The following RBFOX1 variants were observed in gnomAD, a reference collection of about 807,000 sequenced individuals.
The protein encoded by RBFOX1 is RNA binding protein fox-1 homolog 1.
RBFOX1 carries 8 observed loss-of-function variants against 57.7 expected under a neutral mutation model. The ratio of observed to expected loss-of-function variants is 0.14; its 90% CI spans 0.08 to 0.25. The LOEUF (loss-of-function observed/expected upper bound fraction) is 0.25. RBFOX1 is among the 10% of genes least tolerant of loss of function. The probability of loss-of-function intolerance (pLI) is 1.00; values close to 1 mark genes in which losing one functional copy is unlikely to be tolerated. For missense variants in RBFOX1, 611 were observed against 548.5 expected (o/e 1.11, Z -1.14); for synonymous variants, 326 against 222.4 (o/e 1.47, Z -4.15).
intron 3 of RBFOX1, among the ~76,000 whole-genome samples, chr16:5,706,306 C>T (rs767227473): frequency 3.9e-5 from 6 of 152,180 alleles, no homozygotes; most frequent in Non-Finnish European, 5.9e-5. Context: ...AACATGTTTC[C>T]TGATGTAGCA....
intron 4 of RBFOX1, among the ~76,000 whole-genome samples, chr16:7,073,295 A>G (rs1237328236): frequency 6.6e-6 from 1 of 152,210 alleles, no homozygotes; most frequent in Admixed American, 6.5e-5. Flanking sequence ...GGCTCTTTTC[A>G]GAAAATGTCA....
chr16:7,498,958 A>G (rs560407043), intron 4 of RBFOX1, among the ~76,000 whole-genome samples: 1 of 152,300 alleles, frequency 6.6e-6, no homozygotes, highest in East Asian at 1.9e-4. Flanking sequence ...CTGTTTACCT[A>G]ATTGTTGCAT....
At chr16:6,627,025 A>G (rs1220405671) in intron 2 of RBFOX1, among the ~76,000 whole-genome samples, 3 of 152,216 alleles carry the variant, frequency 2.0e-5, no homozygotes, top group Non-Finnish European at 4.4e-5. Context: ...ATGTTGCCGA[A>G]GGCTACCCAT....
intron 3 of RBFOX1, among the ~76,000 whole-genome samples, chr16:5,799,615 T>C (rs971758606): frequency 1.3e-5 from 2 of 152,210 alleles, no homozygotes; most frequent in African/African-American, 4.8e-5. Context: ...ATAGGCTTTG[T>C]GTTAGGTGAT....
intron 1 of RBFOX1, among the ~76,000 whole-genome samples, chr16:5,442,566 C>A (rs1267173683): frequency 1.3e-5 from 2 of 152,146 alleles, no homozygotes; most frequent in Admixed American, 6.5e-5. Flanking sequence ...AACCAAATCC[C>A]CGAGGGAAGG....
At chr16:5,511,660 T>G (rs2043598173) in intron 2 of RBFOX1, among the ~76,000 whole-genome samples, 1 of 152,148 alleles carries the variant, frequency 6.6e-6, no homozygotes, top group Non-Finnish European at 1.5e-5. Context: ...AGAAGAAGAA[T>G]CAGAGAGTTA....
intron 1 of RBFOX1, among the ~76,000 whole-genome samples, chr16:5,412,331 A>G (rs2067043974): frequency 1.3e-5 from 2 of 152,250 alleles, no homozygotes; most frequent in Non-Finnish European, 2.9e-5. Context: ...TCTTAGCATC[A>G]TGCTAGGCAC....
intron 4 of RBFOX1, among the ~76,000 whole-genome samples, chr16:7,177,806 G>A (rs1315909983): frequency 2.6e-5 from 4 of 152,142 alleles, no homozygotes; most frequent in African/African-American, 9.7e-5. Context: ...AGCCCCTGTG[G>A]ACAATGCATA....
chr16:6,900,413 A>C (rs2068168225), intron 3 of RBFOX1, among the ~76,000 whole-genome samples: 2 of 152,150 alleles, frequency 1.3e-5, no homozygotes, highest in Non-Finnish European at 1.5e-5. Context: ...TGAAACATCT[A>C]ATCATGCTAC....
chr16:7,337,664 T>G (rs569780402), intron 4 of RBFOX1, among the ~76,000 whole-genome samples: 1 of 152,086 alleles, frequency 6.6e-6, no homozygotes, highest in African/African-American at 2.4e-5. Flanking sequence ...CAGGTGAATG[T>G]TTTTTGTGTT....
intron 3 of RBFOX1, among the ~76,000 whole-genome samples, chr16:7,045,675 G>C (rs1396169109): frequency 6.6e-6 from 1 of 151,672 alleles, no homozygotes; most frequent in Admixed American, 6.6e-5. Context: ...AATAGAGCGA[G>C]ACATTGTCTC....
chr16:5,389,247 G>C (rs767829025), intron 1 of RBFOX1, among the ~76,000 whole-genome samples: 4 of 152,154 alleles, frequency 2.6e-5, no homozygotes, highest in Middle Eastern at 3.2e-3. Context: ...AAATTTCAAA[G>C]AATGAAGGAC....
chr16:5,732,170 T>C (rs2052397327), intron 3 of RBFOX1, among the ~76,000 whole-genome samples: 1 of 152,240 alleles, frequency 6.6e-6, no homozygotes, highest in South Asian at 2.1e-4. Context: ...GATAGGAAAT[T>C]GGCACCTGCT....
chr16:5,515,894 G>C (rs1165804756), intron 2 of RBFOX1, among the ~76,000 whole-genome samples: 1 of 152,174 alleles, frequency 6.6e-6, no homozygotes, highest in African/African-American at 2.4e-5. Context: ...AATCCTCACA[G>C]TAACACAATG....
intron 11 of RBFOX1, among the ~76,000 whole-genome samples, chr16:7,641,332 T>C (rs2062753980): frequency 6.6e-6 from 1 of 152,194 alleles, no homozygotes; most frequent in African/African-American, 2.4e-5. Context: ...GTGTAGTTCA[T>C]ATAAACCCAG....
intron 4 of RBFOX1, among the ~76,000 whole-genome samples, chr16:5,971,236 G>A (rs908062882): frequency 7.2e-5 from 11 of 152,344 alleles, no homozygotes; most frequent in African/African-American, 2.4e-4. Context: ...CAGTGGTGAG[G>A]ATGTATTTCT....
chr16:6,949,080 A>G (rs1332202675), intron 3 of RBFOX1, among the ~76,000 whole-genome samples: 1 of 152,240 alleles, frequency 6.6e-6, no homozygotes, highest in Non-Finnish European at 1.5e-5. Flanking sequence ...GCTATTGTCA[A>G]GGTTTCTTTA....
At chr16:7,309,265 A>C (rs1489370225) in intron 4 of RBFOX1, among the ~76,000 whole-genome samples, 1 of 152,210 alleles carries the variant, frequency 6.6e-6, no homozygotes, top group Non-Finnish European at 1.5e-5. Flanking sequence ...TAAGGCCCAC[A>C]TTTCAGGTGA....
intron 3 of RBFOX1, among the ~76,000 whole-genome samples, chr16:6,685,779 G>A (rs1031178912): frequency 1.3e-5 from 2 of 152,040 alleles, no homozygotes; most frequent in African/African-American, 4.8e-5. Flanking sequence ...CCAAGCACCT[G>A]AAATTTTAAC....
Sources: allele counts gnomAD v4.1 joint callset (sites outside exome capture counted in the v4.1 genomes callset), GRCh38; gene constraint gnomAD v4.1.1; transcripts MANE v1.5; gene names NCBI Gene and HGNC (gene_info 2026-07-23, HGNC 2026-07-21).